ZC3H7A: variants seen among roughly 807,000 people sequenced by gnomAD.
The protein encoded by ZC3H7A is zinc finger CCCH domain-containing protein 7A.
In ZC3H7A, 44 loss-of-function variants were observed where a neutral mutation model predicts 125.5. The observed-to-expected ratio is 0.35, with a 90% CI of 0.28 to 0.45. The LOEUF (loss-of-function observed/expected upper bound fraction) is 0.45. Ranked by LOEUF, ZC3H7A falls within the 20% of genes least tolerant of loss-of-function variation. The pLI is 1.00. For synonymous variants in ZC3H7A, 399 were observed against 391.2 expected (o/e 1.02, Z -0.23); for missense variants, 977 against 1,170.7 (o/e 0.83, Z 2.41).
chr16:11,752,580 A>G lies in ZC3H7A; in HGVS notation c.2726+89T>C, dbSNP rs2052570603. 6 of 1,489,972 alleles carry G rather than the reference A, an allele frequency of 4.0e-6. No individual in the cohort carries two copies. The Admixed American group carries it at 1.3e-4, about 33-fold the overall frequency. The allele number at this position is 1,489,972 out of a possible 1,614,324, so 92.3% of individuals were successfully genotyped here. A position where few individuals can be genotyped will look rare whatever the true frequency, so the allele number is the denominator to read the frequency against. On this transcript the variant is annotated intron_variant, in intron 22 of 22. Transcript: ENST00000355758. ...CAGAGCACAGCAACATTAGAACTTT[A>G]ACACCCAGGTATTCCGTGTCAGCTG...
intron 13 of ZC3H7A, among the ~76,000 whole-genome samples, chr16:11,766,151 T>C (rs992252878): frequency 1.3e-5 from 2 of 152,208 alleles, no homozygotes; most frequent in African/African-American, 2.4e-5. Context: ...ACAAACTTGT[T>C]TGACAAACAT....
chr16:11,779,681 G>A (rs925608491), intron 3 of ZC3H7A, among the ~76,000 whole-genome samples: 2 of 152,192 alleles, frequency 1.3e-5, no homozygotes, highest in Non-Finnish European at 2.9e-5. Context: ...AGAATGAATA[G>A]TTTAAGGCTT....
In ZC3H7A at chr16:11,751,230, C is replaced by A; in HGVS notation, c.*87G>T. 6 of 1,365,616 alleles carry A rather than the reference C, an allele frequency of 4.4e-6. No homozygotes were observed. Among genetic ancestry groups the A allele is most frequent in the East Asian group, 2.5e-5 (1 of 40,784 alleles). The allele number at this position is 1,365,616 out of a possible 1,614,324, so 84.6% of individuals were successfully genotyped here. A position where few individuals can be genotyped will look rare whatever the true frequency, so the allele number is the denominator to read the frequency against. ...ATATACGCCAATACAAGCAGGAAAT[C>A]TGCAGCTCCTCTGCTATGTGCCTCA... is the stretch of plus-strand genomic sequence containing the variant. On this transcript the variant is annotated 3_prime_UTR_variant, in exon 23 of 23. Coordinates refer to ENST00000355758, the MANE Select transcript of ZC3H7A (RefSeq NM_014153.4).
In ZC3H7A at chr16:11,768,340, A is replaced by G. The variant is rs1391891630; in HGVS notation, c.1335T>C (p.Ala445=). ...PLEGTHELRQ[A]CQICFVKSGP... Reference sequence around the variant, plus strand: ...CTGATTTTACAAAACAGATCTGGCAAGCTTGTCTCAATTCATGGGTTCCTT... The same window carrying G: ...CTGATTTTACAAAACAGATCTGGCAGGCTTGTCTCAATTCATGGGTTCCTT... The change falls in exon 12 of 23, where the codon GCT becomes GCC. Residue 445 remains alanine, a synonymous_variant. Transcript: ENST00000355758. 1.3e-6 allele frequency: 2 copies of G among 1,563,964 alleles called. No individual in the cohort carries two copies. Among genetic ancestry groups the G allele is most frequent in the African/African-American group, 1.4e-5 (1 of 73,996 alleles).
At position 11,769,102 on chromosome 16, in the gene ZC3H7A, T is replaced by C; in HGVS notation, c.1109-7A>G. The C allele has an allele frequency of 6.2e-7, 1 of 1,601,098 alleles. No individual in the cohort carries two copies. Among genetic ancestry groups the C allele is most frequent in the Non-Finnish European group, 8.5e-7 (1 of 1,175,500 alleles). On this transcript the variant is annotated splice_polypyrimidine_tract_variant and splice_region_variant and intron_variant, in intron 10 of 22. Coordinates refer to ENST00000355758, the MANE Select transcript of ZC3H7A (RefSeq NM_014153.4). ...GAAGTTGAGGTGGACAGATCTAAAA[T>C]AATAAAAAAACTTCAACAGACCTTT...
At chr16:11,754,721 G>C (rs992724975) in intron 21 of ZC3H7A, among the ~76,000 whole-genome samples, 2 of 151,356 alleles carry the variant, frequency 1.3e-5, no homozygotes, top group Non-Finnish European at 2.9e-5. Flanking sequence ...GTGAAACTCC[G>C]TCTCTACTAA....
At chr16:11,763,402 C>A in intron 16 of ZC3H7A, 76 bp downstream of exon 16, 1 of 1,457,760 alleles carries the variant, frequency 6.9e-7, no homozygotes, top group Non-Finnish European at 9.2e-7. Flanking sequence ...AGCCACCACG[C>A]CAGGCCCAAA....
intron 2 of ZC3H7A, 138 bp from the exon 3 acceptor site, chr16:11,781,602 C>T: frequency 1.5e-6 from 1 of 658,696 alleles, no homozygotes; most frequent in Non-Finnish European, 2.6e-6. Flanking sequence ...TCCTCCTTTA[C>T]TACCATTATT....
At chr16:11,774,583 C>A in intron 8 of ZC3H7A, 64 bp from the exon 9 acceptor site, 1 of 1,434,234 alleles carries the variant, frequency 7.0e-7, no homozygotes, top group Non-Finnish European at 9.3e-7. Context: ...TACCATTAAT[C>A]CCCAATAATA....
chr16:11,769,604 A>G (rs147379354), intron 10 of ZC3H7A, among the ~76,000 whole-genome samples: 5,525 of 148,462 alleles, frequency 0.037, 369 homozygotes, highest in African/African-American at 0.13. Flanking sequence ...CCAGCTACTC[A>G]GGAGGCTGAG....
Position 11,751,474 on chromosome 16 carries a change from C to G in ZC3H7A, c.2759G>C (p.Ser920Thr). 6.2e-7 allele frequency: 1 copy of G among 1,614,122 alleles called. No homozygotes were observed. Among genetic ancestry groups the G allele is most frequent in the Non-Finnish European group, 8.5e-7 (1 of 1,180,022 alleles). The change falls in exon 23 of 23, where the codon AGC (serine) becomes ACC (threonine). Residue 920 changes from serine (S) to threonine (T), a missense_variant. Physicochemically the swap from Ser to Thr is moderately conservative, Grantham distance 58. Coordinates refer to ENST00000355758, the MANE Select transcript of ZC3H7A (RefSeq NM_014153.4). The part of the protein sequence containing the change: ...YMNGTCPEGN[S>T]CKFAHGNAEL... The stretch of plus-strand genomic sequence containing the variant: ...GGCATTTCCATGTGCAAATTTACAG[C>G]TGTTTCCTTCTGGGCAGGTGCCATT...
At chr16:11,780,597 C>A (rs144167200) in intron 3 of ZC3H7A, among the ~76,000 whole-genome samples, 5 of 152,296 alleles carry the variant, frequency 3.3e-5, no homozygotes, top group Admixed American at 6.5e-5. Flanking sequence ...CACTTAACAT[C>A]TTTAGACCCC....
At chr16:11,757,960 C>A (rs1195100567) in intron 20 of ZC3H7A, among the ~76,000 whole-genome samples, 1 of 152,206 alleles carries the variant, frequency 6.6e-6, no homozygotes, top group East Asian at 1.9e-4. Flanking sequence ...AAGGCTCCCA[C>A]AATAAACTTG....
At chr16:11,761,549 C>A (rs370742014) in intron 18 of ZC3H7A, 38 bp from the exon 19 acceptor site, 1 of 1,604,836 alleles carries the variant, frequency 6.2e-7, no homozygotes, top group African/African-American at 1.3e-5. Context: ...CAAAGACACA[C>A]GAGCAAAAGA....
At chr16:11,775,149 G>C in intron 7 of ZC3H7A, 136 bp from the exon 8 acceptor site, 1 of 825,026 alleles carries the variant, frequency 1.2e-6, no homozygotes. Context: ...GAGACAGGCA[G>C]ATCACGAGGT....
At chr16:11,771,977 G>A (rs181612017) in intron 9 of ZC3H7A, among the ~76,000 whole-genome samples, 144 of 152,014 alleles carry the variant, frequency 9.5e-4, no homozygotes, top group Admixed American at 8.1e-3. Flanking sequence ...GGTGGATCAC[G>A]AGGTCAGGTG....
intron 1 of ZC3H7A, among the ~76,000 whole-genome samples, chr16:11,792,913 G>T (rs901214086): frequency 6.6e-6 from 1 of 152,172 alleles, no homozygotes; most frequent in Non-Finnish European, 1.5e-5. Flanking sequence ...AGCCATTCAG[G>T]AGAAATGAAA....
intron 22 of ZC3H7A, 74 bp downstream of exon 22, chr16:11,752,595 C>T (rs371451597): frequency 3.9e-6 from 6 of 1,532,610 alleles, no homozygotes; most frequent in South Asian, 1.2e-5. Context: ...CCAGGTATTC[C>T]GTGTCAGCTG....
rs986243684 is a variant in ZC3H7A, at chr16:11,751,113, C to T, written c.*204G>A. The T allele has an allele frequency of 1.6e-5, 8 of 500,168 alleles. No homozygotes were observed. The South Asian group carries it at 1.7e-4, about 11-fold the overall frequency. 31.0% of individuals were successfully genotyped at this position (500,168 alleles called of 1,614,324 possible). A position where few individuals can be genotyped will look rare whatever the true frequency, so the allele number is the denominator to read the frequency against. The stretch of plus-strand genomic sequence containing the variant: ...TGGCAACCGGGTAGCAGTCACTTCA[C>T]CATCTGATGCCAGTGGTTCCGTGAG... On this transcript the variant is annotated 3_prime_UTR_variant, in exon 23 of 23. Coordinates refer to ENST00000355758, the MANE Select transcript of ZC3H7A (RefSeq NM_014153.4).
Sources: allele counts gnomAD v4.1 joint callset (sites outside exome capture counted in the v4.1 genomes callset), GRCh38; gene constraint gnomAD v4.1.1; transcripts MANE v1.5; gene names NCBI Gene and HGNC (gene_info 2026-07-23, HGNC 2026-07-21).